Variants in NRG4 observed in about 807,000 individuals in gnomAD.
NRG4 encodes pro-neuregulin-4, membrane-bound isoform.
Under a neutral mutation model 15.0 loss-of-function variants are expected in NRG4, and 10 were observed. That is an observed-to-expected ratio of 0.67 (90% CI 0.41 to 1.13). The LOEUF (loss-of-function observed/expected upper bound fraction) is 1.13, where lower values mean the gene tolerates loss of function less well. Ranked by LOEUF, NRG4 falls within the 50% of genes most tolerant of loss-of-function variation. NRG4 has a pLI of 0.00. For synonymous variants in NRG4, 41 were observed against 50.1 expected (o/e 0.82, Z 0.77); for missense variants, 139 against 140.2 (o/e 0.99, Z 0.04).
chr15:75,972,347 T>C (rs1330590805), intron 3 of NRG4, among the ~76,000 whole-genome samples: 2 of 152,338 alleles, frequency 1.3e-5, no homozygotes, highest in East Asian at 1.9e-4. Flanking sequence ...ATAGTTTCTT[T>C]TGCTGTGCAG....
rs528051485 is a variant in NRG4 at position 76,018,722 on chromosome 15, C to T, written c.-56-7436G>A. 5.1e-3 allele frequency among the ~76,000 whole-genome samples: 777 copies of T among 152,282 alleles called. 6 individuals are homozygous for T. Among genetic ancestry groups the T allele is most frequent in the Non-Finnish European group, 8.3e-3 (567 of 67,998 alleles). On this transcript the variant is annotated intron_variant, in intron 5 of 8. Coordinates refer to the NRG4 transcript ENST00000563910. ...GGAAGCTTTGTCCCAGAGGGGCATC[C>T]GCCAGATGCCGGCTGGAGCTCTCCT... is the stretch of plus-strand genomic sequence containing the variant.
At chr15:76,003,181 T>G (rs1287812364) in intron 3 of NRG4, among the ~76,000 whole-genome samples, 2 of 152,004 alleles carry the variant, frequency 1.3e-5, no homozygotes, top group African/African-American at 4.8e-5. Context: ...AATCCACAAA[T>G]GCTGAAAATT....
upstream of NRG4, among the ~76,000 whole-genome samples, chr15:76,015,786 G>A (rs1364052614): frequency 1.3e-5 from 2 of 152,198 alleles, no homozygotes; most frequent in Non-Finnish European, 2.9e-5. Flanking sequence ...ATATTCATCA[G>A]GGATGTTGGC....
intron 3 of NRG4, among the ~76,000 whole-genome samples, chr15:75,989,759 T>C (rs1265172273): frequency 6.6e-6 from 1 of 152,198 alleles, no homozygotes; most frequent in Non-Finnish European, 1.5e-5. Context: ...CTGTTTCTAC[T>C]GATTGACTTT....
At chr15:76,042,970 G>C (rs1244891806) in intron 4 of NRG4, among the ~76,000 whole-genome samples, 3 of 152,100 alleles carry the variant, frequency 2.0e-5, no homozygotes, top group Non-Finnish European at 4.4e-5. Context: ...GACCAAGTGA[G>C]ATTTATCCCA....
At chr15:75,943,677 A>G (rs764630477) in intron 5 of NRG4, 23 bp from the exon 6 acceptor site, 35 of 1,508,208 alleles carry the variant, frequency 2.3e-5, no homozygotes, top group Non-Finnish European at 3.0e-5. Flanking sequence ...AGTAAGAATT[A>G]AGATGCTTTC....
At chr15:76,029,905 A>G (rs168030) in intron 5 of NRG4, among the ~76,000 whole-genome samples, 6,450 of 152,284 alleles carry the variant, frequency 0.042, 438 homozygotes, top group African/African-American at 0.14. Context: ...CATTCTTCAC[A>G]TAAATAGCAA....
intron 5 of NRG4, among the ~76,000 whole-genome samples, chr15:76,018,856 G>A (rs2035066325): frequency 6.6e-6 from 1 of 152,198 alleles, no homozygotes; most frequent in Admixed American, 6.5e-5. Flanking sequence ...CTCGGATGCT[G>A]TGCTTAGAGA....
downstream of NRG4, chr15:75,936,217 C>T (rs2030323721): frequency 6.6e-6 from 1 of 152,196 alleles, no homozygotes; most frequent in African/African-American, 2.4e-5. Flanking sequence ...CAGAAGACTC[C>T]AGATCCTCTT....
At chr15:75,976,436 C>T (rs1345119390) in intron 3 of NRG4, among the ~76,000 whole-genome samples, 1 of 152,214 alleles carries the variant, frequency 6.6e-6, no homozygotes, top group African/African-American at 2.4e-5. Flanking sequence ...TTGGAATTTT[C>T]AGCCTTTTTG....
At chr15:75,972,058 A>G (rs909284263) in intron 3 of NRG4, among the ~76,000 whole-genome samples, 1 of 152,160 alleles carries the variant, frequency 6.6e-6, no homozygotes, top group Non-Finnish European at 1.5e-5. Context: ...AATGATTGTC[A>G]TTCTAAATGG....
chr15:76,005,401 A>G (rs919442391), intron 3 of NRG4, among the ~76,000 whole-genome samples: 1 of 142,942 alleles, frequency 7.0e-6, no homozygotes, highest in Non-Finnish European at 1.5e-5. Context: ...AAAAAAAAAA[A>G]GGGCCAGGTG....
At chr15:75,993,589 C>T (rs1304317283) in intron 3 of NRG4, among the ~76,000 whole-genome samples, 2 of 151,634 alleles carry the variant, frequency 1.3e-5, no homozygotes, top group Non-Finnish European at 2.9e-5. Flanking sequence ...GCTACAGCTA[C>T]TCAGGAAGCT....
At chr15:76,049,928 T>C (rs2035957148) in intron 4 of NRG4, among the ~76,000 whole-genome samples, 1 of 150,980 alleles carries the variant, frequency 6.6e-6, no homozygotes, top group African/African-American at 2.5e-5. Flanking sequence ...GTAACATATA[T>C]GTACTTGGAG....
intron 5 of NRG4, among the ~76,000 whole-genome samples, chr15:76,035,280 G>T (rs576163956): frequency 1.3e-5 from 2 of 152,288 alleles, no homozygotes; most frequent in East Asian, 3.9e-4. Flanking sequence ...AGAGGAGAAA[G>T]AGTAAAGTAC....
In NRG4 at chr15:75,956,018, A is replaced by C; in HGVS notation, c.252-7T>G. ...TCTCTGAAAGTGGCCTTTCCTGACA[A>C]TAAAGAGGAGAGAAACACAAAAATG... On this transcript the variant is annotated splice_region_variant and splice_polypyrimidine_tract_variant and intron_variant, in intron 4 of 5. Transcript: ENST00000394907. 1 of 1,567,176 alleles carries C rather than the reference A, an allele frequency of 6.4e-7. No individual in the cohort carries two copies. Among genetic ancestry groups the C allele is most frequent in the Admixed American group, 1.7e-5 (1 of 59,768 alleles).
intron 5 of NRG4, among the ~76,000 whole-genome samples, chr15:75,954,601 T>C (rs1344136015): frequency 6.6e-6 from 1 of 151,546 alleles, no homozygotes; most frequent in Admixed American, 6.6e-5. Context: ...TTTTTTTGTA[T>C]TTTAGTAGAG....
At chr15:75,985,966 T>A (rs1009779629) in intron 3 of NRG4, among the ~76,000 whole-genome samples, 4 of 152,186 alleles carry the variant, frequency 2.6e-5, no homozygotes, top group African/African-American at 9.7e-5. Context: ...ATGGCTACTA[T>A]AAGAATACAA....
chr15:75,946,605 T>C (rs1220645744), intron 5 of NRG4, among the ~76,000 whole-genome samples: 1 of 152,164 alleles, frequency 6.6e-6, no homozygotes, highest in African/African-American at 2.4e-5. Context: ...GTGATCCGCC[T>C]GCCTCAGCCT....
Sources: gnomAD v4.1 joint callset for allele counts (sites outside exome capture counted in the v4.1 genomes callset) on GRCh38, gnomAD v4.1.1 for gene constraint, MANE v1.5 for transcripts, NCBI Gene and HGNC (gene_info 2026-07-23, HGNC 2026-07-21) for gene names.